NECTIN4: variants seen among roughly 807,000 people sequenced by gnomAD.
NECTIN4 encodes nectin cell adhesion molecule 4, also known as nectin-4.
NECTIN4 carries 19 observed loss-of-function variants against 51.7 expected under a neutral mutation model. The ratio of observed to expected loss-of-function variants is 0.37; its 90% confidence interval spans 0.26 to 0.54. The LOEUF is 0.54. Among genes scored for constraint, NECTIN4 ranks in the 20% least tolerant of loss-of-function variants. NECTIN4 has a pLI of 0.86. For synonymous variants in NECTIN4, 283 were observed against 286.9 expected (o/e 0.99, Z 0.14); for missense variants, 619 against 662.4 (o/e 0.93, Z 0.72).
rs1453106973 is a variant in NECTIN4, at chr1:161,073,735, C to T, written c.1218G>A (p.Thr406=). The T allele has an allele frequency of 3.7e-6, 6 of 1,614,018 alleles. No individual in the cohort carries two copies. The highest frequency in any genetic ancestry group is 2.7e-5 in the African/African-American group (2 of 74,922). Reference sequence around the variant, plus strand: ...TGGCACACACCTGGCTCCTGGGGTCCGTGTGATGGGAATGCAGCCTCCGGA... The same window carrying T: ...TGGCACACACCTGGCTCCTGGGGTCTGTGTGATGGGAATGCAGCCTCCGGA... ...NSIRRLHSHH[T]DPRSQPEESV... is the part of the protein sequence containing the mutation. The change falls in exon 7 of 9, where the codon ACG becomes ACA. Residue 406 remains threonine (T), a synonymous_variant. Coordinates refer to ENST00000368012, the MANE Select transcript of NECTIN4 (RefSeq NM_030916.3).
At chr1:161,075,732 A>T (rs1571146590) in intron 4 of NECTIN4, among the ~76,000 whole-genome samples, 1 of 152,158 alleles carries the variant, frequency 6.6e-6, no homozygotes, top group East Asian at 1.9e-4. Flanking sequence ...AGATCGCACC[A>T]CTGCACTCCA....
chr1:161,072,348 A>G lies in NECTIN4; in HGVS notation c.*313T>C, dbSNP rs548491230. On this transcript the variant is annotated 3_prime_UTR_variant, in exon 9 of 9. Coordinates refer to ENST00000368012, the MANE Select transcript of NECTIN4 (RefSeq NM_030916.3). ...ATACACCACAGTTCACTTGACTCTG[A>G]TATGACAGCATAATACACACCACGG... is the stretch of plus-strand genomic sequence containing the variant. The G allele has an allele frequency of 2.1e-6, 1 of 467,850 alleles. No individual in the cohort carries two copies. The highest frequency in any genetic ancestry group is 4.0e-6 in the Non-Finnish European group (1 of 251,316). The allele number at this position is 467,850 out of a possible 1,614,324, so 29.0% of individuals were successfully genotyped here.
Position 161,079,770 on chromosome 1 carries a change from C to G in NECTIN4, c.259G>C (p.Gly87Arg), listed in dbSNP as rs945935254. The change falls in exon 2 of 9, where the codon GGG becomes CGG. Residue 87 changes from glycine (G) to arginine (R), a missense_variant. Physicochemically the swap from Gly to Arg is moderately radical, Grantham distance 125 (BLOSUM62 -2). This residue lies in a region of NECTIN4 where 218 missense variants were observed against 186.3 expected (regional missense o/e 1.17). Coordinates refer to ENST00000368012, the MANE Select transcript of NECTIN4 (RefSeq NM_030916.3). ...QELALLHSKY[G>R]LHVSPAYEGR... Reference sequence around the variant, plus strand: ...TCGTAAGCCGGGCTCACATGAAGCCCGTATTTGGAGTGCAGTAGCGCTAGT... The same window carrying G: ...TCGTAAGCCGGGCTCACATGAAGCCGGTATTTGGAGTGCAGTAGCGCTAGT... The G allele has an allele frequency of 1.9e-6, 3 of 1,612,654 alleles. No homozygotes were observed. Among genetic ancestry groups the G allele is most frequent in the Non-Finnish European group, 2.5e-6 (3 of 1,179,968 alleles).
chr1:161,082,770 A>G (rs1260999213), intron 1 of NECTIN4, among the ~76,000 whole-genome samples: 1 of 152,054 alleles, frequency 6.6e-6, no homozygotes, highest in Non-Finnish European at 1.5e-5. Flanking sequence ...CTGGCACTGG[A>G]AAGAACAGGG....
At chr1:161,078,294 T>G (rs772456828) in intron 2 of NECTIN4, among the ~76,000 whole-genome samples, 6 of 7,456 alleles carry the variant, frequency 8.0e-4, no homozygotes, top group African/African-American at 4.4e-3. Flanking sequence ...TTTTATGTAT[T>G]TATTTATTTA....
intron 1 of NECTIN4, chr1:161,087,444 T>C (rs1374302008): frequency 6.6e-6 from 1 of 151,296 alleles, no homozygotes; most frequent in Admixed American, 6.6e-5. Flanking sequence ...AGTTTTGCCA[T>C]CATGGAAAAG....
chr1:161,081,306 A>C (rs1182463949), intron 1 of NECTIN4, among the ~76,000 whole-genome samples: 1 of 151,900 alleles, frequency 6.6e-6, no homozygotes, highest in Non-Finnish European at 1.5e-5. Flanking sequence ...GGTGAGGGGC[A>C]GTCACTGAAG....
intron 1 of NECTIN4, among the ~76,000 whole-genome samples, chr1:161,083,010 A>T (rs550874782): frequency 6.6e-6 from 1 of 152,030 alleles, no homozygotes; most frequent in Non-Finnish European, 1.5e-5. Flanking sequence ...AATCACCTAT[A>T]TTTCCCTTGG....
chr1:161,084,989 G>A (rs1321650399), intron 1 of NECTIN4: 1 of 151,152 alleles, frequency 6.6e-6, no homozygotes, highest in East Asian at 2.0e-4. Context: ...GGTGAGAAAG[G>A]ACCTAGGAGG....
Position 161,079,646 on chromosome 1 carries a change from C to T in NECTIN4, c.383G>A (p.Arg128Gln). ...VQADEGEYEC[R>Q]VSTFPAGSFQ... ...GCTGCCGGCGGGGAAGGTGCTGACC[C>T]GGCACTCGTACTCGCCCTCATCCGC... Residue 128 changes from arginine (R) to glutamine (Q), a missense_variant, in exon 2 of 9, where the codon CGG (arginine) becomes CAG (glutamine). Around this residue, in one of 3 missense-constraint regions of NECTIN4, gnomAD observed 218 missense variants for 186.3 expected, o/e 1.17. Coordinates refer to ENST00000368012, the MANE Select transcript of NECTIN4 (RefSeq NM_030916.3). The T allele has an allele frequency of 6.2e-7, 1 of 1,605,650 alleles. No individual in the cohort carries two copies. Among genetic ancestry groups the T allele is most frequent in the Non-Finnish European group, 8.5e-7 (1 of 1,179,690 alleles).
chr1:161,073,632 G>A, intron 7 of NECTIN4, 88 bp downstream of exon 7: 1 of 1,160,260 alleles, frequency 8.6e-7, no homozygotes, highest in Non-Finnish European at 1.3e-6. Flanking sequence ...GCAGAGAGCT[G>A]TGCTCCTGGT....
In NECTIN4 at chr1:161,072,629, AGCCAG is replaced by A. The variant is rs1346104899; in HGVS notation, c.*27_*31del. On this transcript the variant is annotated 3_prime_UTR_variant, in exon 9 of 9. Coordinates refer to ENST00000368012, the MANE Select transcript of NECTIN4 (RefSeq NM_030916.3). Reference sequence around the variant, plus strand: ...TAAAATCTCCCATGTCAACAGAAGGAGCCAGGCCTAGGGAAGGGAGGCAGGCCTGG... The same window carrying A: ...TAAAATCTCCCATGTCAACAGAAGGAGCCTAGGGAAGGGAGGCAGGCCTGG... 1 of 1,576,228 alleles carries A rather than the reference AGCCAG, an allele frequency of 6.3e-7. No individual in the cohort carries two copies. Among genetic ancestry groups the A allele is most frequent in the Non-Finnish European group, 8.7e-7 (1 of 1,145,478 alleles).
At chr1:161,085,840 A>G (rs1229132366) in intron 1 of NECTIN4, among the ~76,000 whole-genome samples, 3 of 151,868 alleles carry the variant, frequency 2.0e-5, no homozygotes, top group Non-Finnish European at 4.4e-5. Context: ...GTATACTACC[A>G]TGCCTGGCTA....
At chr1:161,073,374 C>A in intron 7 of NECTIN4, 75 bp from the exon 8 acceptor site, 1 of 1,239,458 alleles carries the variant, frequency 8.1e-7, no homozygotes, top group Non-Finnish European at 1.2e-6. Context: ...TCTTGTCCTC[C>A]ACCAGCCTCC....
At position 161,072,729 on chromosome 1, in the gene NECTIN4, T is replaced by C. The variant is rs149401901; in HGVS notation, c.1465A>G (p.Asn489Asp). The change falls in exon 9 of 9, where the codon AAT (asparagine) becomes GAT (aspartate). Residue 489 changes from asparagine (N) to aspartate (D), a missense_variant. Around this residue, in one of 3 missense-constraint regions of NECTIN4, gnomAD observed 364 missense variants for 415.7 expected, o/e 0.88. Transcript: ENST00000368012. ...GTGGGCTTGGCCCGTAGGGTCCCAT[T>C]CTCCTGAACAAAATGGTTCATGGCC... is the stretch of plus-strand genomic sequence containing the variant. ...KQAMNHFVQE[N>D]GTLRAKPTGN... 3.3e-4 allele frequency: 532 copies of C among 1,614,202 alleles called. No individual in the cohort carries two copies. The highest frequency in any genetic ancestry group is 3.1e-4 in the Non-Finnish European group (367 of 1,180,038).
At chr1:161,073,006 G>T in intron 8 of NECTIN4, 121 bp from the exon 9 acceptor site, 1 of 1,043,684 alleles carries the variant, frequency 9.6e-7, no homozygotes, top group Non-Finnish European at 1.4e-6. Context: ...GGTTGCCTCA[G>T]AAGCATAGGG....
chr1:161,086,077 T>C (rs967319819), intron 1 of NECTIN4, among the ~76,000 whole-genome samples: 17 of 152,204 alleles, frequency 1.1e-4, no homozygotes, highest in Non-Finnish European at 2.1e-4. Context: ...CCTCCATCCC[T>C]TCTCTCTGCC....
intron 7 of NECTIN4, 33 bp from the exon 8 acceptor site, chr1:161,073,332 G>A: frequency 6.3e-7 from 1 of 1,589,132 alleles, no homozygotes; most frequent in African/African-American, 1.3e-5. Context: ...AGTTAGAACA[G>A]GGCTCAGCCT....
In NECTIN4 at chr1:161,071,078, G is replaced by C. The variant is rs529745208; in HGVS notation, c.*1583C>G. On this transcript the variant is annotated 3_prime_UTR_variant, in exon 9 of 9. Transcript: ENST00000368012. The stretch of plus-strand genomic sequence containing the variant: ...ATATTTACATAAAATGTACATGTTA[G>C]GATCTTAGATCTTCAGGCTCCACAT... 8 of 152,270 alleles carry C rather than the reference G, an allele frequency of 5.3e-5. No individual in the cohort carries two copies. The highest frequency in any genetic ancestry group is 1.9e-4 in the African/African-American group (8 of 41,532). 9.4% of individuals were successfully genotyped at this position (152,270 alleles called of 1,614,324 possible).
Sources: gnomAD v4.1 joint callset for allele counts (sites outside exome capture counted in the v4.1 genomes callset) on GRCh38, gnomAD v4.1.1 for gene constraint, gnomAD v4.1.1 regional missense constraint, MANE v1.5 for transcripts, NCBI Gene and HGNC (gene_info 2026-07-23, HGNC 2026-07-21) for gene names.